The following TRPM2 variants were observed in gnomAD, a reference collection of about 807,000 sequenced individuals.
TRPM2 encodes the protein transient receptor potential cation channel subfamily M member 2, also known as estrogen-responsive element-associated gene 1 protein.
In TRPM2, 161 loss-of-function variants were observed where a neutral mutation model predicts 174.0. That is an observed-to-expected ratio of 0.93 (90% confidence interval 0.81 to 1.05). The LOEUF (loss-of-function observed/expected upper bound fraction) is 1.05, where lower values mean the gene tolerates loss of function less well. TRPM2 is among the 50% of genes least tolerant of loss of function. The probability of loss-of-function intolerance (pLI) is 0.00; values close to 1 mark genes in which losing one functional copy is unlikely to be tolerated. For synonymous variants in TRPM2, 954 were observed against 861.3 expected (o/e 1.11, Z -1.88); for missense variants, 2,057 against 2,038.0 (o/e 1.01, Z -0.18).
chr21:44,379,438 C>T (rs917006445), intron 8 of TRPM2, among the ~76,000 whole-genome samples: 5 of 152,134 alleles, frequency 3.3e-5, no homozygotes, highest in South Asian at 4.1e-4. Flanking sequence ...CACACCAGGG[C>T]GGGCTGGGAA....
intron 26 of TRPM2, 74 bp downstream of exon 26, chr21:44,426,810 C>G (rs974984321): frequency 5.7e-6 from 9 of 1,567,654 alleles, no homozygotes; most frequent in South Asian, 2.2e-5. Context: ...CTTGAGAATC[C>G]CAGTCAGAGC....
chr21:44,369,336 A>G lies in TRPM2; in HGVS notation c.764A>G (p.His255Arg). The change falls in exon 5 of 32, where the codon CAT becomes CGT. Residue 255 changes from histidine (H) to arginine (R), a missense_variant. His to Arg is a conservative substitution (Grantham distance 29, BLOSUM62 0). Coordinates refer to ENST00000397928, the MANE Select transcript of TRPM2 (RefSeq NM_003307.4). ...GTVHRREGLI[H>R]PTGSFPAEYI... Reference sequence around the variant, plus strand: ...GTCCACCGCCGCGAGGGCCTGATCCATCCCACGGTGAGTGCGGCCCCCTAG... The same window carrying G: ...GTCCACCGCCGCGAGGGCCTGATCCGTCCCACGGTGAGTGCGGCCCCCTAG... 1 of 1,610,996 alleles carries G rather than the reference A, an allele frequency of 6.2e-7. No individual in the cohort carries two copies.
chr21:44,393,590 A>G (rs1355711117), intron 11 of TRPM2, among the ~76,000 whole-genome samples: 1 of 152,090 alleles, frequency 6.6e-6, no homozygotes, highest in African/African-American at 2.4e-5. Context: ...GCTCCAGGAC[A>G]GTTTATGTAG....
intron 12 of TRPM2, among the ~76,000 whole-genome samples, chr21:44,397,288 C>T (rs1213210330): frequency 3.3e-5 from 5 of 152,100 alleles, no homozygotes; most frequent in South Asian, 2.1e-4. Flanking sequence ...CCGCCTGCCT[C>T]GGCCTTCCAA....
chr21:44,370,695 A>G (rs957932699), intron 5 of TRPM2, among the ~76,000 whole-genome samples: 4 of 152,254 alleles, frequency 2.6e-5, no homozygotes, highest in Admixed American at 2.6e-4. Flanking sequence ...GGCCAGCCCC[A>G]GCCCGGCCTT....
At chr21:44,403,433 G>A (rs924256180) in intron 16 of TRPM2, among the ~76,000 whole-genome samples, 21 of 152,256 alleles carry the variant, frequency 1.4e-4, no homozygotes, top group South Asian at 4.1e-4. Context: ...GGCAGCTGGC[G>A]CCTGACATTG....
At chr21:44,372,685 C>T (rs2048574477) in intron 5 of TRPM2, among the ~76,000 whole-genome samples, 1 of 152,046 alleles carries the variant, frequency 6.6e-6, no homozygotes, top group Admixed American at 6.5e-5. Flanking sequence ...GGTGTAGCAT[C>T]ACAGCTGCAG....
At chr21:44,408,166 T>TG (rs2049970102) in intron 19 of TRPM2, among the ~76,000 whole-genome samples, 2 of 152,082 alleles carry the variant, frequency 1.3e-5, no homozygotes, top group South Asian at 4.2e-4. Context: ...AGGCTGGTCT[T>TG]GAACTCCTGA....
Position 44,367,828 on chromosome 21 carries a change from C to T in TRPM2, c.604+894C>T, listed in dbSNP as rs2146160638. ...GCCTGGTGAGCGTGAGGCACGGCTG[C>T]ATCTTTTGACCTGTGAGTCCCACAG... On this transcript the variant is annotated intron_variant, in intron 4 of 31. Transcript: ENST00000397928. This position sits in a 1 kb window ranked among gnomAD's most constrained non-coding sequence, Gnocchi z 4.6. Among the ~76,000 whole-genome samples the T allele has an allele frequency of 6.6e-6, 1 of 152,342 alleles. No homozygotes were observed. Among genetic ancestry groups the T allele is most frequent in the East Asian group, 1.9e-4 (1 of 5,188 alleles).
chr21:44,418,674 G>A (rs2050404057), intron 22 of TRPM2, 119 bp downstream of exon 22: 4 of 1,300,328 alleles, frequency 3.1e-6, no homozygotes, highest in Non-Finnish European at 4.4e-6. Context: ...ACCGGTGAGG[G>A]AGCGCTGTAT....
chr21:44,366,642 AG>A lies in TRPM2; in HGVS notation c.424-110del. The A allele has an allele frequency of 7.0e-7, 1 of 1,431,074 alleles. No homozygotes were observed. Among genetic ancestry groups the A allele is most frequent in the Non-Finnish European group, 9.6e-7 (1 of 1,038,264 alleles). The allele number at this position is 1,431,074 out of a possible 1,614,324, so 88.6% of individuals were successfully genotyped here. On this transcript the variant is annotated intron_variant, in intron 3 of 31. Transcript: ENST00000397928. This position sits in a 1 kb window ranked among gnomAD's most constrained non-coding sequence, Gnocchi z 6.0. ...CCCCTTTTCTGGGTCTGAGCCGGAA[AG>A]GTGTGCGGTGTCTGCCGCCCGCTGG...
chr21:44,406,648 G>T lies in TRPM2; in HGVS notation c.2845G>T (p.Gly949Trp). The T allele has an allele frequency of 6.2e-7, 1 of 1,610,798 alleles. No individual in the cohort carries two copies. Among genetic ancestry groups the T allele is most frequent in the Non-Finnish European group, 8.5e-7 (1 of 1,179,430 alleles). ...FLLAVWVVSF[G>W]VAKQAILIHN... ...GCTGGCTGTGTGGGTGGTGTCCTTC[G>T]GGGTGGCCAAGCAGGCCATCCTCAT... is the stretch of plus-strand genomic sequence containing the variant. The change falls in exon 19 of 32, where the codon GGG becomes TGG. Residue 949 changes from glycine (G) to tryptophan (W), a missense_variant. Coordinates refer to ENST00000397928, the MANE Select transcript of TRPM2 (RefSeq NM_003307.4).
At chr21:44,356,391 G>A (rs1473006962) in intron 2 of TRPM2, among the ~76,000 whole-genome samples, 1 of 151,658 alleles carries the variant, frequency 6.6e-6, no homozygotes, top group East Asian at 2.0e-4. Context: ...CAGACCCCAA[G>A]GGCGGGTTCT....
rs2051384065 is a variant in TRPM2, at chr21:44,438,954, AG to A, written c.4168-110del. 1 of 775,502 alleles carries A rather than the reference AG, an allele frequency of 1.3e-6. No individual in the cohort carries two copies. Among genetic ancestry groups the A allele is most frequent in the Non-Finnish European group, 2.1e-6 (1 of 482,936 alleles). The allele number at this position is 775,502 out of a possible 1,614,324, so 48.0% of individuals were successfully genotyped here. A position where few individuals can be genotyped will look rare whatever the true frequency, so the allele number is the denominator to read the frequency against. On this transcript the variant is annotated intron_variant, in intron 29 of 31. Transcript: ENST00000397928. The surrounding 1 kb of genome is among the most constrained non-coding windows in gnomAD (Gnocchi z 5.9). Reference sequence around the variant, plus strand: ...GAGATGCCGCCTGCCTGTGGCTCCCAGGGCTGGGCCGCTGCCCACGCCGGGC... The same window carrying A: ...GAGATGCCGCCTGCCTGTGGCTCCCAGGCTGGGCCGCTGCCCACGCCGGGC...
chr21:44,355,641 G>A (rs1370962298), intron 2 of TRPM2, among the ~76,000 whole-genome samples: 1 of 152,120 alleles, frequency 6.6e-6, no homozygotes, highest in Non-Finnish European at 1.5e-5. Flanking sequence ...TGAGCTTCTG[G>A]GGGGCTGGGA....
rs568754310 is a variant in TRPM2, at chr21:44,402,045, G to A, written c.2538+148G>A. 3.4e-6 allele frequency: 3 copies of A among 892,710 alleles called. No homozygotes were observed. In the South Asian group the frequency reaches 4.6e-5, roughly 14 times the overall value. The allele number at this position is 892,710 out of a possible 1,614,324, so 55.3% of individuals were successfully genotyped here. On this transcript the variant is annotated intron_variant, in intron 16 of 31. Coordinates refer to ENST00000397928, the MANE Select transcript of TRPM2 (RefSeq NM_003307.4). The stretch of plus-strand genomic sequence containing the variant: ...AGAGCCGGTGTTTCCTCCCCAAAAT[G>A]GGTGGCTGGGGCGCTGCCCTCCAAG...
chr21:44,395,503 G>T lies in TRPM2; in HGVS notation c.1884G>T (p.Trp628Cys). The change falls in exon 12 of 32, where the codon TGG (tryptophan) becomes TGT (cysteine). Residue 628 changes from tryptophan to cysteine, a missense_variant. Trp to Cys is a radical substitution (Grantham distance 215, BLOSUM62 -2). Coordinates refer to ENST00000397928, the MANE Select transcript of TRPM2 (RefSeq NM_003307.4). ...TMDPIRDLLI[W>C]AIVQNRRELA... ...ACCCCATCCGTGACCTTCTCATTTGGGCCATTGTCCAGAACCGTCGGGAGC... is the reference window on the plus strand; with the variant it reads ...ACCCCATCCGTGACCTTCTCATTTGTGCCATTGTCCAGAACCGTCGGGAGC... 6.2e-7 allele frequency: 1 copy of T among 1,613,092 alleles called. No individual in the cohort carries two copies. The highest frequency in any genetic ancestry group is 1.1e-5 in the South Asian group (1 of 91,076).
rs762694177 is a variant in TRPM2, at chr21:44,377,774, G to T, written c.1014+1G>T. The T allele has an allele frequency of 6.2e-7, 1 of 1,614,008 alleles. No individual in the cohort carries two copies. Among genetic ancestry groups the T allele is most frequent in the African/African-American group, 1.3e-5 (1 of 74,954 alleles). ...GGAGGGCGGCCCGGGCACGTTGCAC[G>T]TGAGTATGGCCAGGTGGGAGGGGGC... is the stretch of plus-strand genomic sequence containing the variant. On this transcript the variant is annotated splice_donor_variant, in intron 7 of 31. Coordinates refer to ENST00000397928, the MANE Select transcript of TRPM2 (RefSeq NM_003307.4). LOFTEE classifies it high-confidence loss of function.
intron 16 of TRPM2, among the ~76,000 whole-genome samples, chr21:44,403,923 A>G (rs2049741986): frequency 6.6e-6 from 1 of 151,522 alleles, no homozygotes; most frequent in South Asian, 2.1e-4. Flanking sequence ...ACACACATAC[A>G]CATGTACACA....
Sources: gnomAD v4.1 joint callset for allele counts (sites outside exome capture counted in the v4.1 genomes callset) on GRCh38, gnomAD v4.1.1 for gene constraint, Gnocchi (gnomAD v3.1) non-coding constraint, MANE v1.5 for transcripts, NCBI Gene and HGNC (gene_info 2026-07-23, HGNC 2026-07-21) for gene names.